The following SBF2 variants were observed in gnomAD, a reference collection of about 807,000 sequenced individuals.
The protein encoded by SBF2 is SET binding factor 2, also known as myotubularin-related protein 13.
SBF2 carries 112 observed loss-of-function variants against 225.2 expected under a neutral mutation model. That is an observed-to-expected ratio of 0.50 (90% CI 0.43 to 0.58). The LOEUF (loss-of-function observed/expected upper bound fraction) is 0.58, where lower values mean the gene tolerates loss of function less well. SBF2 is among the 20% of genes least tolerant of loss of function. The pLI is 0.00. For missense variants in SBF2, 1,996 were observed against 2,206.2 expected (o/e 0.90, Z 1.91); for synonymous variants, 763 against 773.3 (o/e 0.99, Z 0.22).
chr11:10,277,207 C>T (rs1432877859), intron 1 of SBF2, among the ~76,000 whole-genome samples: 2 of 150,386 alleles, frequency 1.3e-5, no homozygotes, highest in Non-Finnish European at 2.9e-5. Flanking sequence ...ATCGCTTGAG[C>T]CCGGGAGTTT....
At chr11:9,847,295 C>G (rs1239625313) in intron 22 of SBF2, among the ~76,000 whole-genome samples, 2 of 152,028 alleles carry the variant, frequency 1.3e-5, no homozygotes, top group African/African-American at 4.8e-5. Flanking sequence ...GCACAGGAAG[C>G]AGTAGAAGGG....
intron 2 of SBF2, among the ~76,000 whole-genome samples, chr11:10,151,878 C>T (rs1275227114): frequency 6.6e-6 from 1 of 152,172 alleles, no homozygotes. Flanking sequence ...AATGAATAGT[C>T]AACATTAATC....
chr11:9,845,483 C>T (rs535074047), intron 24 of SBF2, 82 bp downstream of exon 24: 2 of 1,278,280 alleles, frequency 1.6e-6, no homozygotes, highest in African/African-American at 1.5e-5. Flanking sequence ...CAATCGCTTA[C>T]ACCTGGACAC....
chr11:9,794,933 G>A (rs1267708995), intron 33 of SBF2, among the ~76,000 whole-genome samples: 3 of 152,042 alleles, frequency 2.0e-5, no homozygotes, highest in Non-Finnish European at 2.9e-5. Flanking sequence ...AGGATGCCCT[G>A]GAAAGCGGTA....
rs370389085 is a variant in SBF2, at chr11:9,989,575, C to T, written c.1317G>A (p.Glu439=). 5.6e-6 allele frequency: 9 copies of T among 1,605,804 alleles called. No individual in the cohort carries two copies. In the African/African-American group the frequency reaches 1.2e-4, roughly 21 times the overall value. ...LFDELVAFEV[E]RIKVEENNPV... is the part of the protein sequence containing the mutation. Reference sequence around the variant, plus strand: ...GGTTATTTTCTTCAACTTTAATTCTCTCTACTTCAAAGGCTACCAACTAGG... The same window carrying T: ...GGTTATTTTCTTCAACTTTAATTCTTTCTACTTCAAAGGCTACCAACTAGG... The change falls in exon 13 of 40, where the codon GAG becomes GAA. Residue 439 remains glutamate, a synonymous_variant. Coordinates refer to ENST00000256190, the MANE Select transcript of SBF2 (RefSeq NM_030962.4).
chr11:10,036,297 G>T (rs1332000640), intron 3 of SBF2, among the ~76,000 whole-genome samples: 2 of 152,064 alleles, frequency 1.3e-5, no homozygotes, highest in East Asian at 3.8e-4. Context: ...AGCATTAGGA[G>T]AAATATTTAA....
intron 16 of SBF2, among the ~76,000 whole-genome samples, chr11:9,903,822 T>C (rs942342239): frequency 1.3e-5 from 2 of 152,188 alleles, no homozygotes; most frequent in African/African-American, 2.4e-5. Context: ...CATCTGTGGC[T>C]TTCTTCCCTT....
At chr11:10,238,910 C>T (rs1011527272) in intron 1 of SBF2, among the ~76,000 whole-genome samples, 2 of 150,664 alleles carry the variant, frequency 1.3e-5, no homozygotes, top group Non-Finnish European at 3.0e-5. Context: ...GTGACTTCAT[C>T]TCAAAAAACA....
At chr11:9,860,791 A>G (rs1265580811) in intron 17 of SBF2, among the ~76,000 whole-genome samples, 1 of 152,222 alleles carries the variant, frequency 6.6e-6, no homozygotes, top group Non-Finnish European at 1.5e-5. Context: ...TTATATTCAT[A>G]TAGATAAACT....
At chr11:10,009,521 G>A (rs921515003) in intron 6 of SBF2, among the ~76,000 whole-genome samples, 8 of 151,974 alleles carry the variant, frequency 5.3e-5, no homozygotes, top group African/African-American at 1.9e-4. Context: ...TTGGTTTTCT[G>A]TTCCTGTATT....
intron 16 of SBF2, among the ~76,000 whole-genome samples, chr11:9,899,106 A>C (rs1382509515): frequency 6.6e-6 from 1 of 151,968 alleles, no homozygotes; most frequent in Admixed American, 6.6e-5. Flanking sequence ...ATAAGAGGTC[A>C]CTGGTGATTT....
At chr11:10,161,237 CG>C (rs1955723130) in intron 2 of SBF2, among the ~76,000 whole-genome samples, 1 of 149,110 alleles carries the variant, frequency 6.7e-6, no homozygotes, top group South Asian at 2.1e-4. Flanking sequence ...AGTTTTCAAT[CG>C]TTTTTTTCTG....
chr11:10,275,220 C>T (rs1213050436), intron 1 of SBF2, among the ~76,000 whole-genome samples: 1 of 152,104 alleles, frequency 6.6e-6, no homozygotes, highest in Non-Finnish European at 1.5e-5. Flanking sequence ...AGAGAGAACA[C>T]CAGACAATCA....
chr11:10,302,815 C>T (rs1964610234), intron 1 of SBF2: 1 of 153,108 alleles, frequency 6.5e-6, no homozygotes, highest in Non-Finnish European at 1.5e-5. Context: ...AACGAACACC[C>T]CCGCCGCGCC....
At chr11:10,227,696 C>G (rs898077827) in intron 1 of SBF2, among the ~76,000 whole-genome samples, 1 of 152,178 alleles carries the variant, frequency 6.6e-6, no homozygotes, top group African/African-American at 2.4e-5. Flanking sequence ...TGTTTTGGTA[C>G]CAGTACCATG....
At chr11:9,849,954 T>C in intron 22 of SBF2, 69 bp downstream of exon 22, 1 of 1,405,506 alleles carries the variant, frequency 7.1e-7, no homozygotes, top group South Asian at 1.2e-5. Context: ...CAAATCACTG[T>C]GCACAGATGG....
chr11:10,292,509 G>A (rs1182480906), intron 1 of SBF2, among the ~76,000 whole-genome samples: 1 of 151,800 alleles, frequency 6.6e-6, no homozygotes, highest in African/African-American at 2.4e-5. Flanking sequence ...GTGAAATCCC[G>A]TCTCTACTAC....
chr11:9,956,283 C>G (rs987146123), intron 16 of SBF2, among the ~76,000 whole-genome samples: 22 of 152,160 alleles, frequency 1.4e-4, no homozygotes, highest in African/African-American at 4.8e-4. Flanking sequence ...AAGGAAATCA[C>G]TAGGTGATAG....
chr11:10,191,681 C>CAT (rs1957178235), intron 2 of SBF2, among the ~76,000 whole-genome samples: 1 of 152,144 alleles, frequency 6.6e-6, no homozygotes, highest in Non-Finnish European at 1.5e-5. Context: ...TTAGCACCTC[C>CAT]ATTTCACTAT....
Sources: gnomAD v4.1 joint callset for allele counts (sites outside exome capture counted in the v4.1 genomes callset) on GRCh38, gnomAD v4.1.1 for gene constraint, MANE v1.5 for transcripts, NCBI Gene and HGNC (gene_info 2026-07-23, HGNC 2026-07-21) for gene names.